Variants in CHN2 observed in about 807,000 individuals in gnomAD.
CHN2 encodes beta-chimaerin.
CHN2 carries 35 observed loss-of-function variants against 56.3 expected under a neutral mutation model. The ratio of observed to expected loss-of-function variants is 0.62; its 90% CI spans 0.47 to 0.82. The LOEUF is 0.82. Among genes scored for constraint, CHN2 ranks in the 40% least tolerant of loss-of-function variants. The pLI is 0.00. For synonymous variants in CHN2, 210 were observed against 212.8 expected, an observed-to-expected ratio of 0.99 and a Z score of 0.12; for missense variants, 491 against 580.5, an observed-to-expected ratio of 0.85 and a Z score of 1.58.
At chr7:29,364,720 G>A (rs1219948239) in intron 2 of CHN2, among the ~76,000 whole-genome samples, 4 of 152,316 alleles carry the variant, frequency 2.6e-5, no homozygotes, top group Non-Finnish European at 1.5e-5. Flanking sequence ...ATTAAAAGAA[G>A]CCTTCTCTGA....
At chr7:29,457,685 A>G (rs965137033) in intron 6 of CHN2, among the ~76,000 whole-genome samples, 2 of 152,200 alleles carry the variant, frequency 1.3e-5, no homozygotes, top group Admixed American at 1.3e-4. Context: ...AATGAGTATC[A>G]GGAGGGAAAC....
At chr7:29,149,409 G>A (rs1378843680) in intron 2 of CHN2, among the ~76,000 whole-genome samples, 1 of 151,924 alleles carries the variant, frequency 6.6e-6, no homozygotes, top group Non-Finnish European at 1.5e-5. Context: ...GGCCAGGCTG[G>A]TCTCGAACTC....
At chr7:29,360,261 C>T (rs906301525) in intron 2 of CHN2, among the ~76,000 whole-genome samples, 11 of 152,198 alleles carry the variant, frequency 7.2e-5, no homozygotes, top group African/African-American at 2.2e-4. Context: ...GTGGCTCACG[C>T]CTGTAATCCC....
At chr7:29,282,090 G>C (rs975802015) in intron 1 of CHN2, among the ~76,000 whole-genome samples, 1 of 152,194 alleles carries the variant, frequency 6.6e-6, no homozygotes, top group African/African-American at 2.4e-5. Context: ...TGAAGATGTA[G>C]CTGATAATGC....
At chr7:29,404,661 T>C (rs1445923364) in intron 6 of CHN2, among the ~76,000 whole-genome samples, 1 of 152,168 alleles carries the variant, frequency 6.6e-6, no homozygotes, top group Admixed American at 6.5e-5. Flanking sequence ...GTGTGGTGTG[T>C]GGAGTATGGT....
chr7:29,318,806 G>A (rs1795137182), intron 1 of CHN2, among the ~76,000 whole-genome samples: 1 of 152,110 alleles, frequency 6.6e-6, no homozygotes, highest in South Asian at 2.1e-4. Context: ...AAAGCTGCAA[G>A]GAACATTATA....
intron 1 of CHN2, among the ~76,000 whole-genome samples, chr7:29,306,059 G>A (rs1562905255): frequency 6.6e-6 from 1 of 152,132 alleles, no homozygotes; most frequent in African/African-American, 2.4e-5. Context: ...ATCGTTGTCA[G>A]ACAAGTATCT....
At chr7:29,511,838 G>GTA (rs1791471040) in intron 12 of CHN2, among the ~76,000 whole-genome samples, 1 of 152,092 alleles carries the variant, frequency 6.6e-6, no homozygotes, top group East Asian at 1.9e-4. Context: ...GAGATAGATA[G>GTA]ATTGTAATTT....
intron 3 of CHN2, chr7:29,376,274 T>C (rs1342088224): frequency 2.0e-5 from 3 of 152,196 alleles, no homozygotes; most frequent in African/African-American, 7.2e-5. Flanking sequence ...GCTTCAGAGT[T>C]TTATGGATGC....
chr7:29,343,654 C>T, intron 1 of CHN2, among the ~76,000 whole-genome samples: 1 of 151,990 alleles, frequency 6.6e-6, no homozygotes, highest in East Asian at 1.9e-4. Context: ...TCATGTCGCC[C>T]CATCTTGGGG....
Position 29,400,593 on chromosome 7 carries a change from T to A in CHN2, c.341T>A (p.Phe114Tyr). ...AGGCTCTTCCACGACGGGAAACACT[T>A]TGTGGGTGAGAAGAGGTTTGAGTCG... ...NYRLFHDGKH[F>Y]VGEKRFESIH... The change falls in exon 6 of 13, where the codon TTT becomes TAT. Residue 114 changes from phenylalanine (F) to tyrosine (Y), a missense_variant. Transcript: ENST00000222792. 1.2e-6 allele frequency: 2 copies of A among 1,614,178 alleles called. No homozygotes were observed. Among genetic ancestry groups the A allele is most frequent in the African/African-American group, 2.7e-5 (2 of 75,040 alleles).
At chr7:29,499,582 C>T (rs1434593839) in intron 8 of CHN2, among the ~76,000 whole-genome samples, 3 of 151,964 alleles carry the variant, frequency 2.0e-5, no homozygotes, top group African/African-American at 7.3e-5. Flanking sequence ...AACAGGAAAA[C>T]ATATACAAAA....
At chr7:29,215,809 G>A (rs551436022) in intron 1 of CHN2, among the ~76,000 whole-genome samples, 4 of 152,128 alleles carry the variant, frequency 2.6e-5, no homozygotes, top group Non-Finnish European at 5.9e-5. Context: ...TAACCTATGG[G>A]ACAAAGCGTT....
intron 3 of CHN2, among the ~76,000 whole-genome samples, chr7:29,371,548 G>A (rs1261945136): frequency 6.6e-6 from 1 of 152,158 alleles, no homozygotes; most frequent in African/African-American, 2.4e-5. Context: ...GCATTTATTA[G>A]TTACCAAATG....
intron 1 of CHN2, among the ~76,000 whole-genome samples, chr7:29,308,693 A>G (rs1794354980): frequency 1.3e-5 from 2 of 152,194 alleles, no homozygotes; most frequent in African/African-American, 4.8e-5. Context: ...CTGGATGTGA[A>G]GGGCTGGGCA....
At chr7:29,406,664 G>A (rs1448999129) in intron 6 of CHN2, among the ~76,000 whole-genome samples, 1 of 152,154 alleles carries the variant, frequency 6.6e-6, no homozygotes, top group Non-Finnish European at 1.5e-5. Flanking sequence ...TGGCCCTCGG[G>A]AACCAGCAGC....
At chr7:29,404,611 A>C (rs1214536823) in intron 6 of CHN2, among the ~76,000 whole-genome samples, 2 of 152,204 alleles carry the variant, frequency 1.3e-5, no homozygotes, top group Non-Finnish European at 2.9e-5. Flanking sequence ...GCTGATGTGG[A>C]ATGGGCACTT....
At chr7:29,488,923 C>A (rs10452795) in intron 7 of CHN2, among the ~76,000 whole-genome samples, 1 of 152,134 alleles carries the variant, frequency 6.6e-6, no homozygotes, top group Non-Finnish European at 1.5e-5. Flanking sequence ...AAATTCTCAA[C>A]TGCAGCATGT....
At chr7:29,194,729 G>T, upstream of CHN2, 1 of 432,308 alleles carries the variant, frequency 2.3e-6, no homozygotes, top group Non-Finnish European at 4.0e-6. Flanking sequence ...GGCGCGGAGC[G>T]GGACGGAAAC....
Sources: gnomAD v4.1 joint callset for allele counts (sites outside exome capture counted in the v4.1 genomes callset) on GRCh38, gnomAD v4.1.1 for gene constraint, MANE v1.5 for transcripts, NCBI Gene and HGNC (gene_info 2026-07-23, HGNC 2026-07-21) for gene names.